Variants in FIG4 observed in about 807,000 individuals in gnomAD.
FIG4 encodes the protein FIG4 phosphoinositide 5-phosphatase.
Under a neutral mutation model 118.6 loss-of-function variants are expected in FIG4, and 112 were observed. The ratio of observed to expected loss-of-function variants is 0.94; its 90% CI spans 0.81 to 1.11. FIG4 has a LOEUF of 1.11. Ranked by LOEUF, FIG4 falls within the 50% of genes least tolerant of loss-of-function variation. The pLI is 0.00. For missense variants in FIG4, 969 were observed against 1,111.7 expected (o/e 0.87, Z 1.83); for synonymous variants, 369 against 381.2 (o/e 0.97, Z 0.37).
intron 3 of FIG4, among the ~76,000 whole-genome samples, chr6:109,716,886 C>T (rs1775448487): frequency 6.6e-6 from 1 of 152,122 alleles, no homozygotes; most frequent in African/African-American, 2.4e-5. Flanking sequence ...TGTAAACATC[C>T]ACCCTGCCAT....
At chr6:109,792,731 T>C in intron 21 of FIG4, 67 bp downstream of exon 21, 2 of 639,312 alleles carry the variant, frequency 3.1e-6, no homozygotes, top group Non-Finnish European at 5.2e-6. Flanking sequence ...TTCTAACTAC[T>C]ATACCTTTTT....
At chr6:109,759,417 GA>G (rs200052040) in intron 10 of FIG4, among the ~76,000 whole-genome samples, 2,185 of 148,946 alleles carry the variant, frequency 0.015, 55 homozygotes, top group African/African-American at 0.051. Context: ...AAAGTATTAA[GA>G]AAAAAAAAGA....
chr6:109,698,082 G>T (rs1389203851), intron 1 of FIG4, among the ~76,000 whole-genome samples: 1 of 151,752 alleles, frequency 6.6e-6, no homozygotes, highest in Non-Finnish European at 1.5e-5. Flanking sequence ...TAGAGACGGG[G>T]TTTCACTATG....
At chr6:109,731,220 A>G (rs1008113445) in intron 4 of FIG4, among the ~76,000 whole-genome samples, 43 of 152,336 alleles carry the variant, frequency 2.8e-4, no homozygotes, top group African/African-American at 9.4e-4. Flanking sequence ...GTTGTATACT[A>G]TGAGTTATAC....
chr6:109,710,771 T>C (rs1473728684), intron 1 of FIG4, among the ~76,000 whole-genome samples: 1 of 152,204 alleles, frequency 6.6e-6, no homozygotes, highest in African/African-American at 2.4e-5. Context: ...TGAATAGAGG[T>C]GTTCATACTA....
chr6:109,761,630 G>A lies in FIG4; in HGVS notation c.1272-461G>A, dbSNP rs563339558. ...TCGAACTCCTGACCTTAAGTGATCC[G>A]CCCGCATTGGCCTCCCAAAGTGCTG... On this transcript the variant is annotated intron_variant, in intron 11 of 22. Coordinates refer to ENST00000230124, the MANE Select transcript of FIG4 (RefSeq NM_014845.6). Among the ~76,000 whole-genome samples, 202 of 152,222 alleles carry A rather than the reference G, an allele frequency of 1.3e-3. 1 individual carries two copies. The highest frequency in any genetic ancestry group is 4.6e-3 in the African/African-American group (192 of 41,542).
At chr6:109,784,486 T>G (rs187270239) in intron 16 of FIG4, among the ~76,000 whole-genome samples, 74 of 152,334 alleles carry the variant, frequency 4.9e-4, no homozygotes, top group African/African-American at 1.7e-3. Context: ...TGCTTAACTG[T>G]TTTAACTATA....
chr6:109,799,760 A>G (rs574518141), intron 22 of FIG4, among the ~76,000 whole-genome samples: 1 of 152,360 alleles, frequency 6.6e-6, no homozygotes, highest in South Asian at 2.1e-4. Flanking sequence ...GTGCAGAGAC[A>G]TGAATGGGCA....
intron 15 of FIG4, among the ~76,000 whole-genome samples, chr6:109,776,432 A>T (rs897721255): frequency 1.7e-4 from 26 of 152,296 alleles, no homozygotes; most frequent in African/African-American, 5.3e-4. Flanking sequence ...CTTTTCAAGG[A>T]TTAAAAGTGG....
chr6:109,740,754 G>A (rs1776298581), intron 7 of FIG4, among the ~76,000 whole-genome samples: 1 of 152,078 alleles, frequency 6.6e-6, no homozygotes, highest in Admixed American at 6.6e-5. Context: ...TAAGGAAGGT[G>A]TATTAGTCCA....
intron 10 of FIG4, among the ~76,000 whole-genome samples, chr6:109,755,163 C>G (rs1776845006): frequency 6.6e-6 from 1 of 152,164 alleles, no homozygotes; most frequent in South Asian, 2.1e-4. Context: ...TTTCAAAGAA[C>G]ATCTTTATTT....
At chr6:109,724,803 T>TTGTGTGTGTGTGTGTG (rs60968865) in intron 3 of FIG4, among the ~76,000 whole-genome samples, 1 of 146,646 alleles carries the variant, frequency 6.8e-6, no homozygotes, top group Non-Finnish European at 1.5e-5. Context: ...TTATAATCCT[T>TTGTGTGTGTGTGTGTG]TGTGTGTGTG....
intron 15 of FIG4, among the ~76,000 whole-genome samples, chr6:109,767,601 T>A (rs1777317930): frequency 6.6e-6 from 1 of 152,182 alleles, no homozygotes; most frequent in Non-Finnish European, 1.5e-5. Flanking sequence ...CTGGGCGTGG[T>A]GGCTCATGCC....
chr6:109,716,362 G>C lies in FIG4; in HGVS notation c.166-83G>C. 2.1e-6 allele frequency: 3 copies of C among 1,420,542 alleles called. No homozygotes were observed. The Admixed American group carries it at 5.3e-5, about 25-fold the overall frequency. The allele number at this position is 1,420,542 out of a possible 1,614,324, so 88.0% of individuals were successfully genotyped here. ...ATGAAATAGCTGATGATGCTTGTAG[G>C]TAACTTTTTAACTTTCAGGCACAAA... On this transcript the variant is annotated intron_variant, in intron 2 of 22. Coordinates refer to ENST00000230124, the MANE Select transcript of FIG4 (RefSeq NM_014845.6).
chr6:109,695,434 ATTG>A (rs1466842320), intron 1 of FIG4, among the ~76,000 whole-genome samples: 1 of 152,216 alleles, frequency 6.6e-6, no homozygotes, highest in East Asian at 1.9e-4. Context: ...GAGCAGCAGC[ATTG>A]TTGTGGTGGA....
intron 10 of FIG4, among the ~76,000 whole-genome samples, chr6:109,759,633 G>A (rs374772566): frequency 6.6e-6 from 1 of 152,164 alleles, no homozygotes; most frequent in East Asian, 1.9e-4. Context: ...TTGAATGAGA[G>A]GCAGTGCAGT....
At chr6:109,809,196 A>G (rs929883699) in intron 22 of FIG4, among the ~76,000 whole-genome samples, 1 of 152,210 alleles carries the variant, frequency 6.6e-6, no homozygotes, top group East Asian at 1.9e-4. Flanking sequence ...CTGTGAGGCC[A>G]TATTTTCTTC....
chr6:109,775,382 C>CT (rs1777589158), intron 15 of FIG4, among the ~76,000 whole-genome samples: 1 of 152,040 alleles, frequency 6.6e-6, no homozygotes, highest in East Asian at 1.9e-4. Flanking sequence ...AAAGAATATT[C>CT]TTTTTTTGGC....
rs538588836 is a variant in FIG4, at chr6:109,706,919, C to T, written c.67-8159C>T. On this transcript the variant is annotated intron_variant, in intron 1 of 22. Coordinates refer to ENST00000230124, the MANE Select transcript of FIG4 (RefSeq NM_014845.6). The stretch of plus-strand genomic sequence containing the variant: ...GGTGAACGCTGTTAGATTGGTTACC[C>T]CCTCTCCTCTCAGTGGTGGGTAGGG... Among the ~76,000 whole-genome samples, 5 of 152,176 alleles carry T rather than the reference C, an allele frequency of 3.3e-5. No individual in the cohort carries two copies. The East Asian group carries it at 9.7e-4, about 29-fold the overall frequency.
Sources: gnomAD v4.1 joint callset for allele counts (sites outside exome capture counted in the v4.1 genomes callset) on GRCh38, gnomAD v4.1.1 for gene constraint, MANE v1.5 for transcripts, NCBI Gene and HGNC (gene_info 2026-07-23, HGNC 2026-07-21) for gene names.